The following FAM216A variants were observed in gnomAD, a reference collection of about 807,000 sequenced individuals.
The protein encoded by FAM216A is family with sequence similarity 216 member A, also known as protein FAM216A.
FAM216A carries 26 observed loss-of-function variants against 37.6 expected under a neutral mutation model. The ratio of observed to expected loss-of-function variants is 0.69; its 90% CI spans 0.51 to 0.96. FAM216A has a LOEUF of 0.96. Ranked by LOEUF, FAM216A falls within the 40% of genes least tolerant of loss-of-function variation. The pLI, the probability that FAM216A is intolerant of heterozygous loss-of-function variation, is 0.00. For missense variants in FAM216A, 326 were observed against 339.3 expected (o/e 0.96, Z 0.31); for synonymous variants, 110 against 121.7 (o/e 0.90, Z 0.64).
upstream of FAM216A, chr12:110,468,468 A>C: frequency 6.5e-7 from 1 of 1,537,098 alleles, no homozygotes; most frequent in South Asian, 1.2e-5. Flanking sequence ...CTAAGCTTGG[A>C]TACCTGAGTA....
At chr12:110,489,931 G>A (rs2062802379) in intron 6 of FAM216A, 88 bp from the exon 7 acceptor site, 1 of 668,724 alleles carries the variant, frequency 1.5e-6, no homozygotes, top group East Asian at 2.7e-5. Flanking sequence ...TTTACTACAG[G>A]CTTATTAATA....
At chr12:110,483,519 A>G (rs2062760154) in intron 2 of FAM216A, among the ~76,000 whole-genome samples, 5 of 151,658 alleles carry the variant, frequency 3.3e-5, no homozygotes, top group African/African-American at 1.2e-4. Flanking sequence ...GCTGTCCACA[A>G]CTGTTTTTAA....
At chr12:110,469,608 C>T (rs1331527060) in intron 1 of FAM216A, among the ~76,000 whole-genome samples, 2 of 152,128 alleles carry the variant, frequency 1.3e-5, no homozygotes, top group South Asian at 2.1e-4. Context: ...CTCCCAGGTT[C>T]AAGTGATTCT....
At chr12:110,471,889 C>G (rs771488118) in intron 1 of FAM216A, among the ~76,000 whole-genome samples, 1 of 152,160 alleles carries the variant, frequency 6.6e-6, no homozygotes, top group Non-Finnish European at 1.5e-5. Flanking sequence ...AAATTAGAAA[C>G]ATTACAGACC....
chr12:110,468,468 A>G (rs1163106833), upstream of FAM216A: 5 of 1,536,980 alleles, frequency 3.3e-6, no homozygotes, highest in East Asian at 1.2e-4. Flanking sequence ...CTAAGCTTGG[A>G]TACCTGAGTA....
chr12:110,472,246 A>G (rs372625283), intron 1 of FAM216A, among the ~76,000 whole-genome samples: 35 of 118,650 alleles, frequency 2.9e-4, no homozygotes, highest in African/African-American at 1.3e-3. Flanking sequence ...AGAAAAAAGA[A>G]AAAAAAAAAA....
At chr12:110,480,759 G>A (rs73191816) in intron 2 of FAM216A, among the ~76,000 whole-genome samples, 17,191 of 152,118 alleles carry the variant, frequency 0.11, 1,189 homozygotes, top group African/African-American at 0.2. Context: ...ACTCTCAGGT[G>A]GGTGCAGTGG....
rs565824671 is a variant in FAM216A at position 110,490,321 on chromosome 12, A to C, written c.*184A>C. The C allele has an allele frequency of 4.6e-5, 27 of 581,770 alleles. No homozygotes were observed. The highest frequency in any genetic ancestry group is 3.1e-4 in the Middle Eastern group (1 of 3,250). The allele number at this position is 581,770 out of a possible 1,614,324, so 36.0% of individuals were successfully genotyped here. On this transcript the variant is annotated 3_prime_UTR_variant, in exon 7 of 7. Transcript: ENST00000377673. ...ATGTACCAATGATAGTTATGTAAGA[A>C]AATTTACATGTAACATATACTTGTA...
At chr12:110,470,103 G>GTT (rs776038983) in intron 1 of FAM216A, among the ~76,000 whole-genome samples, 50 of 140,694 alleles carry the variant, frequency 3.6e-4, no homozygotes, top group African/African-American at 5.5e-4. Context: ...CATCCTTTTT[G>GTT]TTTTTTTTTT....
intron 2 of FAM216A, among the ~76,000 whole-genome samples, chr12:110,479,854 A>G (rs2062736079): frequency 6.6e-6 from 1 of 151,802 alleles, no homozygotes; most frequent in Non-Finnish European, 1.5e-5. Flanking sequence ...ACCCAAAAAA[A>G]ACAAAAAACA....
intron 2 of FAM216A, among the ~76,000 whole-genome samples, chr12:110,474,007 C>G (rs1053625727): frequency 1.3e-5 from 2 of 151,974 alleles, no homozygotes; most frequent in African/African-American, 4.8e-5. Flanking sequence ...CATTTAAATT[C>G]AGTGATACAT....
Position 110,469,311 on chromosome 12 carries a change from G to T in FAM216A, c.143+293G>T, listed in dbSNP as rs530709226. On this transcript the variant is annotated intron_variant, in intron 1 of 6. Transcript: ENST00000377673. ...GCGTGCATCTCTCTGCCCCGAGGGGGCGCTGCGAGCCCTGCTGGGACGTTT... is the reference window on the plus strand; with the variant it reads ...GCGTGCATCTCTCTGCCCCGAGGGGTCGCTGCGAGCCCTGCTGGGACGTTT... 3.7e-5 allele frequency: 13 copies of T among 349,944 alleles called. 1 individual carries two copies. The South Asian group carries it at 1.1e-3, about 31-fold the overall frequency. The allele number at this position is 349,944 out of a possible 1,614,324, so 21.7% of individuals were successfully genotyped here. A position where few individuals can be genotyped will look rare whatever the true frequency, so the allele number is the denominator to read the frequency against.
At chr12:110,474,749 C>T (rs1329135203) in intron 2 of FAM216A, among the ~76,000 whole-genome samples, 1 of 148,770 alleles carries the variant, frequency 6.7e-6, no homozygotes, top group African/African-American at 2.5e-5. Context: ...CGCCTGTAAT[C>T]CCAGCACTTT....
intron 1 of FAM216A, among the ~76,000 whole-genome samples, chr12:110,470,660 A>G (rs1338163204): frequency 6.6e-6 from 1 of 151,858 alleles, no homozygotes; most frequent in Non-Finnish European, 1.5e-5. Flanking sequence ...TTGTATTTTT[A>G]GTAGAGATGG....
intron 2 of FAM216A, among the ~76,000 whole-genome samples, chr12:110,482,094 T>C: frequency 6.6e-6 from 1 of 152,054 alleles, no homozygotes; most frequent in Non-Finnish European, 1.5e-5. Context: ...TACTTTTTTT[T>C]TTTTTGAGAC....
Position 110,485,103 on chromosome 12 carries a change from G to A in FAM216A, c.210G>A (p.Val70=), listed in dbSNP as rs924279616. 1 of 1,612,114 alleles carries A rather than the reference G, an allele frequency of 6.2e-7. No individual in the cohort carries two copies. Residue 70 remains valine, a synonymous_variant, in exon 3 of 7, where the codon GTG becomes GTA. Coordinates refer to ENST00000377673, the MANE Select transcript of FAM216A (RefSeq NM_013300.3). ...ATAGAATCAAAGATGGATACAAAGTGAACTCACACATAGCTAAGCTGCAAG... is the reference window on the plus strand; with the variant it reads ...ATAGAATCAAAGATGGATACAAAGTAAACTCACACATAGCTAAGCTGCAAG... ...GSDRIKDGYK[V]NSHIAKLQEL...
intron 2 of FAM216A, among the ~76,000 whole-genome samples, chr12:110,481,342 C>T (rs1013138973): frequency 6.6e-6 from 1 of 152,024 alleles, no homozygotes; most frequent in African/African-American, 2.4e-5. Context: ...GAGGCACTGC[C>T]ATACTATTTT....
chr12:110,482,016 A>G (rs2062749880), intron 2 of FAM216A, among the ~76,000 whole-genome samples: 1 of 152,206 alleles, frequency 6.6e-6, no homozygotes, highest in Non-Finnish European at 1.5e-5. Flanking sequence ...AGTTTAATAC[A>G]AAACTGAAAT....
intron 2 of FAM216A, among the ~76,000 whole-genome samples, chr12:110,483,310 G>A (rs1355574176): frequency 3.7e-5 from 5 of 133,564 alleles, no homozygotes; most frequent in Non-Finnish European, 4.6e-5. Flanking sequence ...CAGCCTGGGC[G>A]ACAGAGCGAG....
Sources: allele counts gnomAD v4.1 joint callset (sites outside exome capture counted in the v4.1 genomes callset), GRCh38; gene constraint gnomAD v4.1.1; transcripts MANE v1.5; gene names NCBI Gene and HGNC (gene_info 2026-07-23, HGNC 2026-07-21).